OPCML: variants seen among roughly 807,000 people sequenced by gnomAD.
The protein encoded by OPCML is opioid binding protein/cell adhesion molecule like, also known as opioid-binding protein/cell adhesion molecule.
OPCML carries 13 observed loss-of-function variants against 37.8 expected under a neutral mutation model. The observed-to-expected ratio is 0.34, with a 90% CI of 0.22 to 0.55. The LOEUF is 0.55. OPCML is among the 20% of genes least tolerant of loss of function. The pLI, the probability that OPCML is intolerant of heterozygous loss-of-function variation, is 0.91. For missense variants in OPCML, 341 were observed against 435.6 expected (o/e 0.78, Z 1.93); for synonymous variants, 176 against 168.8 (o/e 1.04, Z -0.33).
At chr11:133,105,761 A>G (rs770407888) in intron 1 of OPCML, among the ~76,000 whole-genome samples, 32 of 152,214 alleles carry the variant, frequency 2.1e-4, no homozygotes, top group Non-Finnish European at 4.3e-4. Context: ...CAGGTGGATC[A>G]TCTGAGTTCA....
intron 1 of OPCML, among the ~76,000 whole-genome samples, chr11:133,377,022 G>A (rs1411284922): frequency 6.6e-6 from 1 of 152,132 alleles, no homozygotes; most frequent in Non-Finnish European, 1.5e-5. Flanking sequence ...GCGACAAGCG[G>A]GCAGGGGGAA....
chr11:132,754,457 C>T (rs1945963875), intron 2 of OPCML, among the ~76,000 whole-genome samples: 1 of 152,156 alleles, frequency 6.6e-6, no homozygotes, highest in South Asian at 2.1e-4. Context: ...TCTTACTTAC[C>T]TTCCACCATG....
rs182495794 is a variant in OPCML, at chr11:133,206,399, T to C, written c.62-263389A>G. On this transcript the variant is annotated intron_variant, in intron 1 of 7. Coordinates refer to ENST00000524381, the MANE Select transcript of OPCML (RefSeq NM_001012393.5). This position sits in a 1 kb window ranked among gnomAD's most constrained non-coding sequence, Gnocchi z 4.7. The stretch of plus-strand genomic sequence containing the variant: ...TTAGGAAACTGCATAACTTCTGGAG[T>C]CCTCAGTTTCCTGAGCTATGAAATA... Among the ~76,000 whole-genome samples the C allele has an allele frequency of 6.0e-4, 91 of 152,282 alleles. 1 individual carries two copies. Among genetic ancestry groups the C allele is most frequent in the African/African-American group, 2.2e-3 (90 of 41,560 alleles).
intron 1 of OPCML, among the ~76,000 whole-genome samples, chr11:133,110,241 A>G (rs1311070621): frequency 6.6e-6 from 1 of 152,222 alleles, no homozygotes; most frequent in Non-Finnish European, 1.5e-5. Flanking sequence ...TGGAGTACAT[A>G]TTGTCCACAG....
At chr11:133,416,057 G>A (rs1945756632) in intron 1 of OPCML, among the ~76,000 whole-genome samples, 1 of 152,166 alleles carries the variant, frequency 6.6e-6, no homozygotes, top group South Asian at 2.1e-4. Flanking sequence ...ACCCATACGA[G>A]ACTTCTGACC....
At chr11:133,453,552 T>C (rs1237163818) in intron 1 of OPCML, among the ~76,000 whole-genome samples, 2 of 152,240 alleles carry the variant, frequency 1.3e-5, no homozygotes, top group African/African-American at 2.4e-5. Flanking sequence ...AATTGATGTG[T>C]ATTTTAAAAT....
intron 1 of OPCML, among the ~76,000 whole-genome samples, chr11:133,324,528 C>T (rs1943405286): frequency 6.6e-6 from 1 of 152,156 alleles, no homozygotes; most frequent in Non-Finnish European, 1.5e-5. Flanking sequence ...CTGTATAAAA[C>T]CATACTGCTG....
chr11:132,712,648 T>C (rs1944315010), intron 2 of OPCML, among the ~76,000 whole-genome samples: 1 of 152,168 alleles, frequency 6.6e-6, no homozygotes, highest in East Asian at 1.9e-4. Context: ...GTTCATCACG[T>C]TTCATTCGCT....
At chr11:132,889,363 A>G (rs921890159) in intron 2 of OPCML, among the ~76,000 whole-genome samples, 3 of 152,242 alleles carry the variant, frequency 2.0e-5, no homozygotes, top group Non-Finnish European at 2.9e-5. Flanking sequence ...CTTAGCAAGC[A>G]GGTACTTCTG....
At chr11:133,217,813 G>A (rs1281339264) in intron 1 of OPCML, among the ~76,000 whole-genome samples, 2 of 152,198 alleles carry the variant, frequency 1.3e-5, no homozygotes, top group Non-Finnish European at 2.9e-5. Context: ...AGCACTATGG[G>A]ATGCCAAGTC....
chr11:133,289,521 G>A (rs960084398), intron 1 of OPCML, among the ~76,000 whole-genome samples: 7 of 149,736 alleles, frequency 4.7e-5, no homozygotes, highest in South Asian at 4.3e-4. Flanking sequence ...CGTGAACCCG[G>A]GAGGCGGAGC....
chr11:132,734,891 A>G (rs1214908358), intron 2 of OPCML, among the ~76,000 whole-genome samples: 1 of 152,198 alleles, frequency 6.6e-6, no homozygotes, highest in Non-Finnish European at 1.5e-5. Context: ...TCTTTTATAG[A>G]AAAGTGAAAA....
chr11:132,499,445 A>G (rs528813433), intron 4 of OPCML, among the ~76,000 whole-genome samples: 18 of 152,286 alleles, frequency 1.2e-4, no homozygotes, highest in Admixed American at 4.6e-4. Flanking sequence ...CTGGCACAAT[A>G]TGAGATATCC....
At chr11:132,536,820 G>T (rs1043177927) in intron 3 of OPCML, among the ~76,000 whole-genome samples, 1 of 152,156 alleles carries the variant, frequency 6.6e-6, no homozygotes, top group African/African-American at 2.4e-5. Context: ...AAAAAGCACT[G>T]CATGAAGTGT....
intron 1 of OPCML, among the ~76,000 whole-genome samples, chr11:133,142,112 T>C (rs1193843617): frequency 3.9e-5 from 6 of 152,240 alleles, no homozygotes; most frequent in African/African-American, 1.4e-4. Flanking sequence ...TAGTACTTAT[T>C]AATATTATTT....
At chr11:133,168,963 T>C (rs544112392) in intron 1 of OPCML, among the ~76,000 whole-genome samples, 2 of 152,184 alleles carry the variant, frequency 1.3e-5, no homozygotes, top group South Asian at 4.2e-4. Context: ...ACACTGTCTC[T>C]ACTAAAAATA....
intron 1 of OPCML, among the ~76,000 whole-genome samples, chr11:133,483,799 A>AGATAGATAGATG (rs1555165674): frequency 1.4e-5 from 2 of 147,704 alleles, no homozygotes; most frequent in Non-Finnish European, 3.0e-5. Context: ...CATAGATGAT[A>AGATAGATAGATG]GATAGATAGA....
At chr11:133,463,889 G>C (rs961478609) in intron 1 of OPCML, among the ~76,000 whole-genome samples, 2 of 152,266 alleles carry the variant, frequency 1.3e-5, no homozygotes, top group South Asian at 4.2e-4. Flanking sequence ...TCAACAAAGC[G>C]GGGTGATGGT....
At chr11:133,348,344 C>A (rs1944048152) in intron 1 of OPCML, among the ~76,000 whole-genome samples, 1 of 152,200 alleles carries the variant, frequency 6.6e-6, no homozygotes, top group Non-Finnish European at 1.5e-5. Flanking sequence ...TTGAATCCCC[C>A]CAGCACCTAA....
Sources: allele counts gnomAD v4.1 joint callset (sites outside exome capture counted in the v4.1 genomes callset), GRCh38; gene constraint gnomAD v4.1.1; non-coding constraint Gnocchi (gnomAD v3.1); transcripts MANE v1.5; gene names NCBI Gene and HGNC (gene_info 2026-07-23, HGNC 2026-07-21).